The following BRINP3 variants were observed in gnomAD, a reference collection of about 807,000 sequenced individuals.
BRINP3 encodes the protein BMP/retinoic acid-inducible neural-specific protein 3.
BRINP3 carries 19 observed loss-of-function variants against 71.0 expected under a neutral mutation model. The ratio of observed to expected loss-of-function variants is 0.27; its 90% CI spans 0.19 to 0.39. The LOEUF (loss-of-function observed/expected upper bound fraction) is 0.39, where lower values mean the gene tolerates loss of function less well. Ranked by LOEUF, BRINP3 falls within the 10% of genes least tolerant of loss-of-function variation. BRINP3 has a pLI of 1.00. For missense variants in BRINP3, 959 were observed against 940.8 expected (o/e 1.02, Z -0.25); for synonymous variants, 380 against 337.7 (o/e 1.13, Z -1.37).
intron 2 of BRINP3, among the ~76,000 whole-genome samples, chr1:190,406,152 T>C (rs972274888): frequency 1.3e-5 from 2 of 152,244 alleles, no homozygotes; most frequent in Non-Finnish European, 2.9e-5. Flanking sequence ...TTACATTATG[T>C]ACAGTTACAG....
At position 190,441,961 on chromosome 1, in the gene BRINP3, T is replaced by A. The variant is rs149205790; in HGVS notation, c.236+12694A>T. On this transcript the variant is annotated intron_variant, in intron 2 of 7. Transcript: ENST00000367462. ...TTGACAGTTATGCTATAAATGGGAATTAGAAAGCATGAGTTAAAGATCATT... is the reference window on the plus strand; with the variant it reads ...TTGACAGTTATGCTATAAATGGGAAATAGAAAGCATGAGTTAAAGATCATT... Among the ~76,000 whole-genome samples, 841 of 152,232 alleles carry A rather than the reference T, an allele frequency of 5.5e-3. 5 individuals carry two copies. Among genetic ancestry groups the A allele is most frequent in the African/African-American group, 0.019 (776 of 41,546 alleles).
At chr1:190,139,927 T>C (rs1277365379) in intron 7 of BRINP3, among the ~76,000 whole-genome samples, 1 of 152,144 alleles carries the variant, frequency 6.6e-6, no homozygotes, top group Non-Finnish European at 1.5e-5. Flanking sequence ...TTGCTTTCTA[T>C]TGGAAAATAC....
intron 2 of BRINP3, among the ~76,000 whole-genome samples, chr1:190,310,956 T>C (rs372648008): frequency 3.3e-5 from 5 of 151,810 alleles, no homozygotes; most frequent in East Asian, 3.9e-4. Flanking sequence ...TAGTGCATGT[T>C]ACTTAATTCC....
At position 190,241,465 on chromosome 1, in the gene BRINP3, TTCTC is replaced by T. The variant is rs151215200; in HGVS notation, c.619-6992_619-6989del. On this transcript the variant is annotated intron_variant, in intron 4 of 7. Coordinates refer to ENST00000367462, the MANE Select transcript of BRINP3 (RefSeq NM_199051.3). ...TGCTTGGCTTAATCAATGTAATTAA[TTCTC>T]TCTCTCTCTCTCTCTCTGGCAATAA... 6.4e-4 allele frequency among the ~76,000 whole-genome samples: 95 copies of T among 148,990 alleles called. 1 individual carries two copies. Among genetic ancestry groups the T allele is most frequent in the Middle Eastern group, 3.6e-3 (1 of 280 alleles).
At chr1:190,205,092 C>T (rs1436945002) in intron 6 of BRINP3, among the ~76,000 whole-genome samples, 1 of 151,998 alleles carries the variant, frequency 6.6e-6, no homozygotes, top group Non-Finnish European at 1.5e-5. Flanking sequence ...ACCTGCCACA[C>T]ATGGAAATAT....
chr1:190,134,548 A>G (rs981291114), intron 7 of BRINP3, among the ~76,000 whole-genome samples: 1 of 152,124 alleles, frequency 6.6e-6, no homozygotes, highest in Non-Finnish European at 1.5e-5. Flanking sequence ...AGCTATAGTT[A>G]TACTTTTAGG....
chr1:190,416,376 C>G (rs990020650), intron 2 of BRINP3, among the ~76,000 whole-genome samples: 1 of 152,058 alleles, frequency 6.6e-6, no homozygotes, highest in Non-Finnish European at 1.5e-5. Context: ...GACCCCCTTG[C>G]CACCACTTGC....
chr1:190,356,366 A>G (rs1398920215), intron 2 of BRINP3, among the ~76,000 whole-genome samples: 3 of 152,036 alleles, frequency 2.0e-5, no homozygotes, highest in Non-Finnish European at 4.4e-5. Flanking sequence ...TAAGAAGATC[A>G]GTGTTTAACA....
chr1:190,368,942 G>A (rs1184229534), intron 2 of BRINP3, among the ~76,000 whole-genome samples: 1 of 152,118 alleles, frequency 6.6e-6, no homozygotes, highest in African/African-American at 2.4e-5. Context: ...ACTGGTTACA[G>A]AAAATAAAAA....
intron 2 of BRINP3, among the ~76,000 whole-genome samples, chr1:190,304,609 G>A (rs1281888595): frequency 6.6e-6 from 1 of 151,750 alleles, no homozygotes; most frequent in South Asian, 2.1e-4. Flanking sequence ...CCCACCATAT[G>A]CAAAAACAAC....
chr1:190,363,249 C>A (rs1440329838), intron 2 of BRINP3, among the ~76,000 whole-genome samples: 4 of 152,124 alleles, frequency 2.6e-5, no homozygotes, highest in Non-Finnish European at 4.4e-5. Context: ...GTACTGTCTA[C>A]AATGTAAGCT....
chr1:190,417,238 T>G (rs961474741), intron 2 of BRINP3, among the ~76,000 whole-genome samples: 1 of 151,980 alleles, frequency 6.6e-6, no homozygotes, highest in Admixed American at 6.6e-5. Flanking sequence ...TATCTGGCTC[T>G]TAACAAAAAA....
rs1414872607 is a variant in BRINP3 at position 190,218,058 on chromosome 1, A to C, written c.961+8024T>G. ...TGCTAATTTTTTATTTTATTAAATT[A>C]CACGAATACAGAAAAATATAAATAT... On this transcript the variant is annotated intron_variant, in intron 6 of 7. Coordinates refer to ENST00000367462, the MANE Select transcript of BRINP3 (RefSeq NM_199051.3). Among the ~76,000 whole-genome samples, 5 of 152,106 alleles carry C rather than the reference A, an allele frequency of 3.3e-5. No homozygotes were observed. The East Asian group carries it at 9.7e-4, about 29-fold the overall frequency.
intron 2 of BRINP3, among the ~76,000 whole-genome samples, chr1:190,309,188 A>G (rs866211477): frequency 1.0e-5 from 1 of 100,344 alleles, no homozygotes; most frequent in African/African-American, 3.4e-5. Flanking sequence ...TAAGTCCACA[A>G]TAAAAAAAAA....
Position 190,354,385 on chromosome 1 carries a change from C to A in BRINP3, c.237-72635G>T, listed in dbSNP as rs527371397. Among the ~76,000 whole-genome samples, 24 of 151,938 alleles carry A rather than the reference C, an allele frequency of 1.6e-4. No individual in the cohort carries two copies. The South Asian group carries it at 5.0e-3, about 32-fold the overall frequency. On this transcript the variant is annotated intron_variant, in intron 2 of 7. Transcript: ENST00000367462. Reference sequence around the variant, plus strand: ...CAAAGAATTATACAGCCCAAAATGTCATGGTGCAGGGGTTGATACATCTTG... The same window carrying A: ...CAAAGAATTATACAGCCCAAAATGTAATGGTGCAGGGGTTGATACATCTTG...
At chr1:190,249,214 T>A (rs1278689719) in intron 4 of BRINP3, among the ~76,000 whole-genome samples, 2 of 151,808 alleles carry the variant, frequency 1.3e-5, no homozygotes, top group Non-Finnish European at 2.9e-5. Context: ...CAAATAAAAA[T>A]CATGTCACGT....
At chr1:190,452,708 T>A (rs1305241280) in intron 2 of BRINP3, among the ~76,000 whole-genome samples, 1 of 152,082 alleles carries the variant, frequency 6.6e-6, no homozygotes, top group Non-Finnish European at 1.5e-5. Context: ...ATACAAAAAT[T>A]AGCTGGGCGC....
At chr1:190,304,761 T>A (rs984574312) in intron 2 of BRINP3, among the ~76,000 whole-genome samples, 2 of 151,804 alleles carry the variant, frequency 1.3e-5, no homozygotes, top group Admixed American at 6.6e-5. Context: ...TATAGATAGA[T>A]AAGATTACAT....
intron 7 of BRINP3, among the ~76,000 whole-genome samples, chr1:190,148,239 GAA>G (rs1656068215): frequency 6.6e-6 from 1 of 151,794 alleles, no homozygotes; most frequent in African/African-American, 2.4e-5. Context: ...TCTCTCTATG[GAA>G]ATTCTATTAT....
Sources: allele counts gnomAD v4.1 joint callset (sites outside exome capture counted in the v4.1 genomes callset), GRCh38; gene constraint gnomAD v4.1.1; transcripts MANE v1.5; gene names NCBI Gene and HGNC (gene_info 2026-07-23, HGNC 2026-07-21).